The following ITGAM variants were observed in gnomAD, a reference collection of about 807,000 sequenced individuals.
The protein encoded by ITGAM is integrin subunit alpha M.
A neutral mutation model predicts 137.5 loss-of-function variants in ITGAM; 79 were observed. The ratio of observed to expected loss-of-function variants is 0.57; its 90% CI spans 0.48 to 0.69. The LOEUF is 0.69. Ranked by LOEUF, ITGAM falls within the 30% of genes least tolerant of loss-of-function variation. The probability of loss-of-function intolerance (pLI) is 0.00; values close to 1 mark genes in which losing one functional copy is unlikely to be tolerated. For missense variants in ITGAM, 1,343 were observed against 1,483.5 expected (o/e 0.91, Z 1.56); for synonymous variants, 583 against 592.3 (o/e 0.98, Z 0.23).
At chr16:31,317,267 C>T (rs544347523) in intron 14 of ITGAM, among the ~76,000 whole-genome samples, 5 of 152,160 alleles carry the variant, frequency 3.3e-5, no homozygotes, top group African/African-American at 1.2e-4. Flanking sequence ...GATGTAATTT[C>T]CCTGTATTTC....
rs768771799 is a variant in ITGAM at position 31,321,463 on chromosome 16, G to T, written c.1839-1G>T. The T allele has an allele frequency of 1.9e-6, 3 of 1,613,970 alleles. No homozygotes were observed. The highest frequency in any genetic ancestry group is 2.5e-6 in the Non-Finnish European group (3 of 1,179,882). On this transcript the variant is annotated splice_acceptor_variant, in intron 15 of 29. Coordinates refer to ENST00000544665, the MANE Select transcript of ITGAM (RefSeq NM_000632.4). LOFTEE classifies it high-confidence loss of function. ...CTGATGGTTTTCTGGTGTCCCTTTAGGTCCCAGCCAGTACTGAGAGTCAAG... is the reference window on the plus strand; with the variant it reads ...CTGATGGTTTTCTGGTGTCCCTTTATGTCCCAGCCAGTACTGAGAGTCAAG...
chr16:31,306,417 T>G (rs964393662), intron 14 of ITGAM, among the ~76,000 whole-genome samples: 4 of 152,094 alleles, frequency 2.6e-5, no homozygotes, highest in Admixed American at 1.3e-4. Context: ...TTGAAGCTAA[T>G]ATAGAAATTT....
chr16:31,311,784 G>T (rs1340660678), intron 14 of ITGAM, among the ~76,000 whole-genome samples: 1 of 151,938 alleles, frequency 6.6e-6, no homozygotes, highest in Non-Finnish European at 1.5e-5. Flanking sequence ...CCCATTACTG[G>T]GTATATACCC....
At chr16:31,315,214 T>A (rs2080378238) in intron 14 of ITGAM, among the ~76,000 whole-genome samples, 1 of 152,192 alleles carries the variant, frequency 6.6e-6, no homozygotes, top group South Asian at 2.1e-4. Flanking sequence ...TTGCAAATAT[T>A]TTCCCCCAGT....
At chr16:31,263,598 C>CT (rs937265434) in intron 2 of ITGAM, among the ~76,000 whole-genome samples, 89 of 139,460 alleles carry the variant, frequency 6.4e-4, no homozygotes, top group Admixed American at 3.1e-3. Context: ...TAAATTGCTT[C>CT]TTTTTTTTTT....
Position 31,330,588 on chromosome 16 carries a change from G to T in ITGAM, c.3259G>T (p.Ala1087Ser). The T allele has an allele frequency of 6.2e-7, 1 of 1,610,176 alleles. No individual in the cohort carries two copies. Among genetic ancestry groups the T allele is most frequent in the Non-Finnish European group, 8.5e-7 (1 of 1,177,672 alleles). The change falls in exon 28 of 30, where the codon GCG (alanine) becomes TCG (serine). Residue 1087 changes from alanine to serine, a missense_variant. Transcript: ENST00000544665. The part of the protein sequence containing the change: ...SVFTLLPGQG[A>S]FVRSQTETKV... Reference sequence around the variant, plus strand: ...GTTCACCCTGCTGCCGGGACAGGGGGCGTTTGTGAGGTCCCAGGTACCTGT... The same window carrying T: ...GTTCACCCTGCTGCCGGGACAGGGGTCGTTTGTGAGGTCCCAGGTACCTGT...
In ITGAM at chr16:31,270,742, T is replaced by TATATATATATATATA. The variant is rs1343169219; in HGVS notation, c.428-210_428-209insATATATATATATAAT. 3.8e-4 allele frequency among the ~76,000 whole-genome samples: 42 copies of TATATATATATATATA among 109,886 alleles called. 1 individual carries two copies. The highest frequency in any genetic ancestry group is 1.6e-3 in the African/African-American group (40 of 25,232). 72.1% of individuals were successfully genotyped at this position (109,886 alleles called of 152,430 possible). On this transcript the variant is annotated intron_variant, in intron 5 of 29. Coordinates refer to ENST00000544665, the MANE Select transcript of ITGAM (RefSeq NM_000632.4). The stretch of plus-strand genomic sequence containing the variant: ...ATATATATATATATATATATATATA[T>TATATATATATATATA]ATGTTTTTAACGTGTGTATACATAT...
At chr16:31,312,240 C>A (rs1226303076) in intron 14 of ITGAM, among the ~76,000 whole-genome samples, 2 of 151,558 alleles carry the variant, frequency 1.3e-5, no homozygotes, top group African/African-American at 4.9e-5. Flanking sequence ...ACATATGTAA[C>A]AAACCTGCAC....
At chr16:31,277,850 C>A (rs1410477182) in intron 11 of ITGAM, 117 bp from the exon 12 acceptor site, 2 of 998,980 alleles carry the variant, frequency 2.0e-6, no homozygotes, top group Non-Finnish European at 2.9e-6. Flanking sequence ...GCGTAGGGAT[C>A]AGTTACCCCA....
chr16:31,319,743 T>C (rs928136209), intron 14 of ITGAM, among the ~76,000 whole-genome samples: 1 of 152,194 alleles, frequency 6.6e-6, no homozygotes, highest in African/African-American at 2.4e-5. Context: ...TCTTTTCTTC[T>C]CTTGCTGTCT....
chr16:31,275,446 C>A (rs1462702976), intron 8 of ITGAM, 103 bp from the exon 9 acceptor site: 68 of 1,246,612 alleles, frequency 5.5e-5, no homozygotes, highest in Non-Finnish European at 7.7e-5. Context: ...TGCATTTCCT[C>A]ACTTGATAAA....
chr16:31,291,747 A>T (rs1181538346), intron 12 of ITGAM, among the ~76,000 whole-genome samples: 8 of 152,014 alleles, frequency 5.3e-5, no homozygotes, highest in Non-Finnish European at 2.9e-5. Context: ...AATGGATCTC[A>T]TGGAGGTAGA....
intron 5 of ITGAM, among the ~76,000 whole-genome samples, chr16:31,267,799 C>T (rs955661410): frequency 5.9e-5 from 9 of 151,778 alleles, no homozygotes; most frequent in Admixed American, 2.0e-4. Context: ...ATCACAGGTG[C>T]GCATATACTG....
chr16:31,264,331 C>T (rs1421435007), intron 2 of ITGAM, among the ~76,000 whole-genome samples: 1 of 152,012 alleles, frequency 6.6e-6, no homozygotes, highest in Non-Finnish European at 1.5e-5. Flanking sequence ...CCTGTAATCC[C>T]AGCTACTCAG....
At chr16:31,265,703 C>T in intron 3 of ITGAM, 108 bp from the exon 4 acceptor site, 1 of 946,288 alleles carries the variant, frequency 1.1e-6, no homozygotes, top group Non-Finnish European at 1.6e-6. Context: ...GATCCCCCTT[C>T]ACCGTCAGAC....
At chr16:31,260,688 A>G (rs2079689039) in intron 1 of ITGAM, among the ~76,000 whole-genome samples, 1 of 152,208 alleles carries the variant, frequency 6.6e-6, no homozygotes, top group Non-Finnish European at 1.5e-5. Flanking sequence ...GAAGCCATTT[A>G]GGTGCTCAGA....
intron 12 of ITGAM, among the ~76,000 whole-genome samples, chr16:31,282,259 A>T (rs1444914642): frequency 6.6e-6 from 1 of 152,124 alleles, no homozygotes; most frequent in East Asian, 1.9e-4. Flanking sequence ...GCTGAGTTCA[A>T]TTCCTGGATA....
At chr16:31,273,260 CACT>C in intron 7 of ITGAM, 102 bp from the exon 8 acceptor site, 1 of 976,538 alleles carries the variant, frequency 1.0e-6, no homozygotes. Context: ...TGTGTCTCTG[CACT>C]CCAGCCTGGA....
At chr16:31,261,513 GTTT>G (rs796773359) in intron 1 of ITGAM, among the ~76,000 whole-genome samples, 176 bp from the exon 2 acceptor site, 1 of 144,758 alleles carries the variant, frequency 6.9e-6, no homozygotes. Context: ...ATTAGTTTTT[GTTT>G]TTTTTTTGTA....
Sources: gnomAD v4.1 joint callset for allele counts (sites outside exome capture counted in the v4.1 genomes callset) on GRCh38, gnomAD v4.1.1 for gene constraint, MANE v1.5 for transcripts, NCBI Gene and HGNC (gene_info 2026-07-23, HGNC 2026-07-21) for gene names.